Variants in NFIA observed in about 807,000 individuals in gnomAD.
NFIA encodes nuclear factor 1 A-type.
Under a neutral mutation model 62.8 loss-of-function variants are expected in NFIA, and 8 were observed. The ratio of observed to expected loss-of-function variants is 0.13; its 90% confidence interval spans 0.07 to 0.23. The LOEUF (loss-of-function observed/expected upper bound fraction) is 0.23, where lower values mean the gene tolerates loss of function less well. Among genes scored for constraint, NFIA ranks in the 10% least tolerant of loss-of-function variants. The pLI, the probability that NFIA is intolerant of heterozygous loss-of-function variation, is 1.00. For synonymous variants in NFIA, 235 were observed against 238.1 expected (o/e 0.99, Z 0.12); for missense variants, 410 against 642.1 (o/e 0.64, Z 3.91).
At chr1:61,311,305 C>T (rs1002201131) in intron 3 of NFIA, among the ~76,000 whole-genome samples, 4 of 152,078 alleles carry the variant, frequency 2.6e-5, no homozygotes, top group South Asian at 2.1e-4. Flanking sequence ...GCAGGAGAAT[C>T]GCTTGAACCC....
intron 6 of NFIA, among the ~76,000 whole-genome samples, chr1:61,369,211 C>T (rs1402907463): frequency 1.3e-5 from 2 of 152,134 alleles, no homozygotes; most frequent in African/African-American, 4.8e-5. Context: ...TCAAGAAGTG[C>T]ATATACAAAA....
intron 2 of NFIA, among the ~76,000 whole-genome samples, chr1:61,233,759 G>A (rs541834276): frequency 3.3e-5 from 5 of 152,258 alleles, no homozygotes; most frequent in Admixed American, 6.5e-5. Flanking sequence ...GCACAGTGCC[G>A]ACGCAGAGGT....
At chr1:61,225,251 A>G (rs1005866585) in intron 2 of NFIA, among the ~76,000 whole-genome samples, 3 of 151,206 alleles carry the variant, frequency 2.0e-5, no homozygotes, top group African/African-American at 7.3e-5. Context: ...TTTTATGTCC[A>G]TAGTACTTTT....
chr1:61,270,725 T>A (rs887162203), intron 2 of NFIA, among the ~76,000 whole-genome samples: 1 of 152,188 alleles, frequency 6.6e-6, no homozygotes, highest in African/African-American at 2.4e-5. Context: ...ATGGGGAAAT[T>A]AAGCACAATT....
At chr1:61,286,011 CAA>C (rs1023775695) in intron 3 of NFIA, among the ~76,000 whole-genome samples, 2 of 152,116 alleles carry the variant, frequency 1.3e-5, no homozygotes, top group Non-Finnish European at 2.9e-5. Flanking sequence ...GTCAAATTAG[CAA>C]AAGAGACTTG....
intron 2 of NFIA, among the ~76,000 whole-genome samples, chr1:61,214,225 A>G (rs1466439945): frequency 5.9e-5 from 9 of 151,376 alleles, no homozygotes; most frequent in Non-Finnish European, 1.3e-4. Context: ...GAGGGGGCCC[A>G]CTCTTTTGTT....
At chr1:61,285,394 C>T (rs1658421419) in intron 3 of NFIA, among the ~76,000 whole-genome samples, 1 of 152,056 alleles carries the variant, frequency 6.6e-6, no homozygotes, top group South Asian at 2.1e-4. Flanking sequence ...TAAGCCTGTA[C>T]ATTATTTTTT....
At chr1:61,109,326 G>A (rs1241254539) in intron 2 of NFIA, among the ~76,000 whole-genome samples, 1 of 151,820 alleles carries the variant, frequency 6.6e-6, no homozygotes, top group Non-Finnish European at 1.5e-5. Context: ...CATCTCTACA[G>A]ATGGCAAATG....
intron 2 of NFIA, among the ~76,000 whole-genome samples, chr1:61,226,461 CCT>C (rs1188860337): frequency 3.3e-5 from 5 of 152,120 alleles, no homozygotes; most frequent in African/African-American, 1.2e-4. Flanking sequence ...AGTCACCTGA[CCT>C]CTTGGCAGCC....
intron 6 of NFIA, among the ~76,000 whole-genome samples, chr1:61,379,233 A>G (rs1429033290): frequency 6.6e-6 from 1 of 151,806 alleles, no homozygotes; most frequent in African/African-American, 2.4e-5. Context: ...AATTCTGAGT[A>G]CCACAATTTT....
chr1:61,247,233 CACCT>C (rs1655703343), intron 2 of NFIA, among the ~76,000 whole-genome samples: 1 of 152,190 alleles, frequency 6.6e-6, no homozygotes, highest in African/African-American at 2.4e-5. Context: ...CCAAGTTCAT[CACCT>C]GAATGCCATT....
chr1:61,203,618 CT>C (rs1483011524), intron 2 of NFIA, among the ~76,000 whole-genome samples: 4 of 152,136 alleles, frequency 2.6e-5, no homozygotes, highest in African/African-American at 9.7e-5. Flanking sequence ...CTTCCTCTCC[CT>C]TCTACCCATT....
chr1:61,332,394 G>A (rs1661343175), intron 3 of NFIA, 118 bp from the exon 4 acceptor site: 2 of 913,984 alleles, frequency 2.2e-6, no homozygotes, highest in East Asian at 2.6e-5. Flanking sequence ...CCCAAGGAGA[G>A]CAGAGAATGA....
chr1:61,319,839 A>G (rs1267706763), intron 3 of NFIA, among the ~76,000 whole-genome samples: 1 of 148,252 alleles, frequency 6.7e-6, no homozygotes, highest in Non-Finnish European at 1.5e-5. Context: ...ACACACACCA[A>G]CTTTCATGAT....
chr1:61,209,595 G>A (rs1471262121), intron 2 of NFIA, among the ~76,000 whole-genome samples: 3 of 151,852 alleles, frequency 2.0e-5, no homozygotes, highest in Non-Finnish European at 2.9e-5. Context: ...AGGCTGAGGC[G>A]GGTGGATCAC....
At chr1:61,121,086 G>C (rs1646879537) in intron 2 of NFIA, among the ~76,000 whole-genome samples, 2 of 152,152 alleles carry the variant, frequency 1.3e-5, no homozygotes, top group Non-Finnish European at 2.9e-5. Context: ...GCATTGCATT[G>C]TCTGTTACTC....
intron 2 of NFIA, among the ~76,000 whole-genome samples, chr1:61,263,921 C>T (rs1026435375): frequency 1.3e-5 from 2 of 151,822 alleles, no homozygotes; most frequent in African/African-American, 4.8e-5. Context: ...ACCCGGGAGG[C>T]AGAGGTTGCA....
chr1:61,289,760 T>C (rs1658746491), intron 3 of NFIA, among the ~76,000 whole-genome samples: 1 of 152,212 alleles, frequency 6.6e-6, no homozygotes, highest in African/African-American at 2.4e-5. Context: ...TCTCTTCCTT[T>C]ATTTCTTATC....
At chr1:61,126,212 A>T (rs1409580498) in intron 2 of NFIA, among the ~76,000 whole-genome samples, 2 of 152,166 alleles carry the variant, frequency 1.3e-5, no homozygotes, top group Admixed American at 6.5e-5. Flanking sequence ...AGCTCCCTTC[A>T]TGGCTAAGGC....
Sources: allele counts gnomAD v4.1 joint callset (sites outside exome capture counted in the v4.1 genomes callset), GRCh38; gene constraint gnomAD v4.1.1; transcripts MANE v1.5; gene names NCBI Gene and HGNC (gene_info 2026-07-23, HGNC 2026-07-21).